ASB5: variants seen among roughly 807,000 people sequenced by gnomAD.
ASB5 encodes the protein ankyrin repeat and SOCS box containing 5, also known as ankyrin repeat and SOCS box protein 5.
ASB5 carries 45 observed loss-of-function variants against 42.1 expected under a neutral mutation model. The ratio of observed to expected loss-of-function variants is 1.07; its 90% CI spans 0.84 to 1.37. The LOEUF is 1.37. Among genes scored for constraint, ASB5 ranks in the 40% most tolerant of loss-of-function variants. The probability of loss-of-function intolerance (pLI) is 0.00; values close to 1 mark genes in which losing one functional copy is unlikely to be tolerated. For missense variants in ASB5, 402 were observed against 399.8 expected, an observed-to-expected ratio of 1.01 and a Z score of -0.05; for synonymous variants, 147 against 150.6, an observed-to-expected ratio of 0.98 and a Z score of 0.18.
chr4:176,253,853 AC>A (rs1244148960), intron 1 of ASB5, among the ~76,000 whole-genome samples: 2 of 152,222 alleles, frequency 1.3e-5, no homozygotes, highest in South Asian at 2.1e-4. Context: ...AATGTATCTA[AC>A]CCAGAGGGTG....
At chr4:176,237,702 G>A (rs1753719780) in intron 1 of ASB5, 3 of 501,412 alleles carry the variant, frequency 6.0e-6, no homozygotes, top group Non-Finnish European at 7.7e-6. Flanking sequence ...AACTATTTGT[G>A]TGATATAGAA....
chr4:176,243,012 T>A (rs1474451711), intron 1 of ASB5, among the ~76,000 whole-genome samples: 7 of 152,204 alleles, frequency 4.6e-5, no homozygotes, highest in African/African-American at 1.7e-4. Flanking sequence ...TAAACTCAAT[T>A]GTTTATATAT....
chr4:176,274,951 G>A (rs1027330002), intron 2 of ASB5, among the ~76,000 whole-genome samples: 1 of 118,168 alleles, frequency 8.5e-6, no homozygotes, highest in East Asian at 2.4e-4. Flanking sequence ...GTCTTACTCT[G>A]TCGCCCAGGC....
chr4:176,264,635 C>T (rs888117098), intron 1 of ASB5, among the ~76,000 whole-genome samples: 1 of 152,164 alleles, frequency 6.6e-6, no homozygotes, highest in Non-Finnish European at 1.5e-5. Flanking sequence ...ATGTAACCTA[C>T]CAGACTCACC....
At chr4:176,256,917 G>C (rs1482776568) in intron 1 of ASB5, among the ~76,000 whole-genome samples, 1 of 152,084 alleles carries the variant, frequency 6.6e-6, no homozygotes. Context: ...AAGAAAAAAA[G>C]AAAAGAAAAA....
chr4:176,225,353 GA>G lies in ASB5; in HGVS notation c.197-13del, dbSNP rs1168531250. The G allele has an allele frequency of 1.2e-6, 2 of 1,606,088 alleles. No individual in the cohort carries two copies. The highest frequency in any genetic ancestry group is 2.2e-5 in the East Asian group (1 of 44,832). On this transcript the variant is annotated splice_polypyrimidine_tract_variant and intron_variant, in intron 1 of 6. Coordinates refer to ENST00000296525, the MANE Select transcript of ASB5 (RefSeq NM_080874.4). ...ATCTGCCCAGGAACCTGTCAAAAAAGAAAAAAAGAAAGAAAAGAAAACAAAA... is the reference window on the plus strand; with the variant it reads ...ATCTGCCCAGGAACCTGTCAAAAAAGAAAAAAGAAAGAAAAGAAAACAAAA...
chr4:176,266,422 A>G (rs1487115555), intron 1 of ASB5, among the ~76,000 whole-genome samples: 3 of 152,188 alleles, frequency 2.0e-5, no homozygotes, highest in East Asian at 1.9e-4. Flanking sequence ...TGGATTAAAC[A>G]GAGATAATTA....
intron 1 of ASB5, among the ~76,000 whole-genome samples, chr4:176,276,651 CAT>C (rs1560825678): frequency 1.3e-5 from 2 of 152,270 alleles, no homozygotes; most frequent in South Asian, 4.2e-4. Context: ...AGAAATAAAA[CAT>C]ATCCCACACT....
intron 2 of ASB5, among the ~76,000 whole-genome samples, chr4:176,222,669 C>G (rs769548855): frequency 1.3e-5 from 2 of 152,162 alleles, no homozygotes; most frequent in Non-Finnish European, 2.9e-5. Flanking sequence ...TCAATAGATT[C>G]TGGCACATTT....
At chr4:176,276,044 A>G (rs1274354749) in intron 1 of ASB5, 2 of 152,230 alleles carry the variant, frequency 1.3e-5, no homozygotes, top group Non-Finnish European at 2.9e-5. Context: ...GTAGTAAAAC[A>G]TAAACTAAGT....
At chr4:176,241,684 G>T in intron 1 of ASB5, 1 of 1,328,288 alleles carries the variant, frequency 7.5e-7, no homozygotes. Flanking sequence ...AGTGAGGGCA[G>T]ATGAGGTCTG....
intron 5 of ASB5, among the ~76,000 whole-genome samples, chr4:176,218,201 A>T (rs1308580687): frequency 4.1e-5 from 3 of 72,348 alleles, no homozygotes; most frequent in African/African-American, 5.2e-5. Flanking sequence ...ATGATATATA[A>T]ATATATATAT....
chr4:176,254,674 C>G (rs1309470806), intron 1 of ASB5, among the ~76,000 whole-genome samples: 1 of 152,060 alleles, frequency 6.6e-6, no homozygotes, highest in Non-Finnish European at 1.5e-5. Flanking sequence ...GTCTAATGTC[C>G]AGAATCTATA....
intron 6 of ASB5, among the ~76,000 whole-genome samples, chr4:176,216,590 C>T (rs1752976361): frequency 6.6e-6 from 1 of 152,142 alleles, no homozygotes; most frequent in African/African-American, 2.4e-5. Context: ...ACCTTGTGAT[C>T]CACCCGCCTT....
chr4:176,222,784 T>C (rs551351039), intron 2 of ASB5, among the ~76,000 whole-genome samples: 11 of 152,330 alleles, frequency 7.2e-5, no homozygotes, highest in Admixed American at 1.3e-4. Context: ...GTTTTGTTTT[T>C]GTTTTTGTTT....
intron 3 of ASB5, 102 bp from the exon 4 acceptor site, chr4:176,221,702 T>A: frequency 1.8e-6 from 2 of 1,113,756 alleles, no homozygotes; most frequent in Non-Finnish European, 2.5e-6. Context: ...CAGAAATACG[T>A]AGGAAAATGT....
Position 176,248,190 on chromosome 4 carries a change from G to A in ASB5, c.196+20723C>T, listed in dbSNP as rs536639600. ...CATGCAGGCTGGAGTGCAGCGGCAC[G>A]ATCATGGCTCACTGCAGCCTCACCC... On this transcript the variant is annotated intron_variant, in intron 1 of 6. Transcript: ENST00000296525. 4.6e-5 allele frequency among the ~76,000 whole-genome samples: 7 copies of A among 152,210 alleles called. No individual in the cohort carries two copies. The South Asian group carries it at 6.2e-4, about 14-fold the overall frequency.
At chr4:176,226,315 C>T (rs1753377517) in intron 1 of ASB5, among the ~76,000 whole-genome samples, 2 of 152,174 alleles carry the variant, frequency 1.3e-5, no homozygotes, top group South Asian at 4.1e-4. Flanking sequence ...ATCAGAACTC[C>T]AGGCTTTCTC....
At chr4:176,222,555 T>G in intron 2 of ASB5, 135 bp from the exon 3 acceptor site, 1 of 790,314 alleles carries the variant, frequency 1.3e-6, no homozygotes, top group Non-Finnish European at 2.0e-6. Context: ...TTTAGCAGGA[T>G]AGGCCAGTTC....
Sources: gnomAD v4.1 joint callset for allele counts (sites outside exome capture counted in the v4.1 genomes callset) on GRCh38, gnomAD v4.1.1 for gene constraint, MANE v1.5 for transcripts, NCBI Gene and HGNC (gene_info 2026-07-23, HGNC 2026-07-21) for gene names.